The following OPA1 variants were observed in gnomAD, a reference collection of about 807,000 sequenced individuals.
OPA1 encodes the protein OPA1 mitochondrial dynamin like GTPase.
Under a neutral mutation model 152.9 loss-of-function variants are expected in OPA1, and 59 were observed. The observed-to-expected ratio is 0.39, with a 90% CI of 0.31 to 0.48. OPA1 has a LOEUF of 0.48. OPA1 is among the 20% of genes least tolerant of loss of function. The probability of loss-of-function intolerance (pLI) is 0.96; values close to 1 mark genes in which losing one functional copy is unlikely to be tolerated. For synonymous variants in OPA1, 400 were observed against 389.9 expected (o/e 1.03, Z -0.31); for missense variants, 1,008 against 1,216.8 (o/e 0.83, Z 2.55).
In OPA1 at chr3:193,692,071, A is replaced by G; in HGVS notation, c.2992A>G (p.Arg998Gly). The G allele has an allele frequency of 6.6e-7, 1 of 1,526,652 alleles. No homozygotes were observed. Among genetic ancestry groups the G allele is most frequent in the Non-Finnish European group, 9.0e-7 (1 of 1,112,904 alleles). The allele number at this position is 1,526,652 out of a possible 1,614,324, so 94.6% of individuals were successfully genotyped here. The change falls in exon 30 of 31, where the codon AGA becomes GGA. Residue 998 changes from arginine to glycine, a missense_variant. Arg to Gly is a moderately radical substitution (Grantham distance 125). Coordinates refer to ENST00000361510, the MANE Select transcript of OPA1 (RefSeq NM_130837.3). ...VQLAEDLKKV[R>G]EIQEKLDAFI... Reference sequence around the variant, plus strand: ...TATTTTTATCTCCACAGAGAAAGTTAGAGAAATTCAAGAAAAACTTGATGC... The same window carrying G: ...TATTTTTATCTCCACAGAGAAAGTTGGAGAAATTCAAGAAAAACTTGATGC...
At chr3:193,596,197 CT>C (rs558965633) in intron 1 of OPA1, among the ~76,000 whole-genome samples, 4,200 of 106,480 alleles carry the variant, frequency 0.039, 95 homozygotes, top group African/African-American at 0.084. Context: ...TGTTTTTCAC[CT>C]TTTTTTTTTT....
rs571274905 is a variant in OPA1, at chr3:193,668,600, T to C, written c.2983+1320T>C. 141 of 1,537,152 alleles carry C rather than the reference T, an allele frequency of 9.2e-5. No homozygotes were observed. The East Asian group carries it at 3.5e-3, about 38-fold the overall frequency. ...GGAGATACCCTCTTTACCCTGCCTG[T>C]GCTTCGCCAGCCTGCACCAGGCCAC... On this transcript the variant is annotated intron_variant, in intron 29 of 30. Transcript: ENST00000361510.
intron 6 of OPA1, 81 bp downstream of exon 6, chr3:193,619,017 T>C: frequency 9.2e-7 from 1 of 1,083,088 alleles, no homozygotes; most frequent in East Asian, 2.4e-5. Context: ...GATTTTAAAA[T>C]GATAACATCT....
At chr3:193,690,548 T>A (rs1389787440) in intron 29 of OPA1, among the ~76,000 whole-genome samples, 6 of 152,016 alleles carry the variant, frequency 3.9e-5, no homozygotes, top group Non-Finnish European at 8.8e-5. Context: ...AAAAAGAATA[T>A]GAAAATGTTA....
At chr3:193,668,238 TA>T in intron 29 of OPA1, 1 of 1,018,862 alleles carries the variant, frequency 9.8e-7, no homozygotes, top group Non-Finnish European at 1.4e-6. Context: ...CTAGTATCCT[TA>T]ATATATTTTC....
At chr3:193,605,409 ATCT>A (rs1258014113) in intron 1 of OPA1, among the ~76,000 whole-genome samples, 1 of 152,188 alleles carries the variant, frequency 6.6e-6, no homozygotes, top group Non-Finnish European at 1.5e-5. Context: ...GTTTAATTAA[ATCT>A]TCTACAATTG....
intron 1 of OPA1, among the ~76,000 whole-genome samples, chr3:193,609,835 A>G (rs1008276891): frequency 6.6e-6 from 1 of 152,146 alleles, no homozygotes; most frequent in Non-Finnish European, 1.5e-5. Context: ...CGAATCGGCT[A>G]CTGAGGCTTG....
At position 193,642,853 on chromosome 3, in the gene OPA1, A is replaced by G. The variant is rs780092286; in HGVS notation, c.1230+8A>G. 2 of 1,600,388 alleles carry G rather than the reference A, an allele frequency of 1.2e-6. No individual in the cohort carries two copies. The highest frequency in any genetic ancestry group is 1.1e-5 in the South Asian group (1 of 90,744). On this transcript the variant is annotated splice_region_variant and intron_variant, in intron 12 of 30. Coordinates refer to ENST00000361510, the MANE Select transcript of OPA1 (RefSeq NM_130837.3). The stretch of plus-strand genomic sequence containing the variant: ...CTTACCAAAGAAGAAGATGTAAGTA[A>G]AATTCATCTAAGGTTGATATGTGTA...
chr3:193,658,173 A>C (rs1215639932), intron 23 of OPA1, among the ~76,000 whole-genome samples: 6 of 151,678 alleles, frequency 4.0e-5, no homozygotes, highest in Middle Eastern at 6.8e-3. Flanking sequence ...TGAACCCAGG[A>C]AGGGGAGGTT....
At chr3:193,645,334 C>T (rs771233345) in intron 16 of OPA1, among the ~76,000 whole-genome samples, 4 of 152,058 alleles carry the variant, frequency 2.6e-5, no homozygotes, top group Non-Finnish European at 5.9e-5. Flanking sequence ...CACATCATTC[C>T]GGGTTTTCGA....
At chr3:193,594,456 C>T (rs907271879) in intron 1 of OPA1, among the ~76,000 whole-genome samples, 6 of 152,204 alleles carry the variant, frequency 3.9e-5, no homozygotes, top group Non-Finnish European at 8.8e-5. Flanking sequence ...AGCGCTATCT[C>T]GGCTCACTGC....
In OPA1 at chr3:193,648,058, C is replaced by T. The variant is rs1711510176; in HGVS notation, c.1871-12C>T. 3 of 1,609,660 alleles carry T rather than the reference C, an allele frequency of 1.9e-6. No individual in the cohort carries two copies. The highest frequency in any genetic ancestry group is 1.3e-5 in the African/African-American group (1 of 74,834). On this transcript the variant is annotated splice_polypyrimidine_tract_variant and intron_variant, in intron 19 of 30. Coordinates refer to ENST00000361510, the MANE Select transcript of OPA1 (RefSeq NM_130837.3). ...GAGGGTCATCAAACTTGAACTTTTCCTTCTTCCTCAGCAACACGTTTTAAC... is the reference window on the plus strand; with the variant it reads ...GAGGGTCATCAAACTTGAACTTTTCTTTCTTCCTCAGCAACACGTTTTAAC...
intron 11 of OPA1, among the ~76,000 whole-genome samples, chr3:193,640,855 A>G (rs76666398): frequency 0.014 from 2,192 of 152,298 alleles, 53 homozygotes; most frequent in African/African-American, 0.049. Flanking sequence ...TGATGCTGAA[A>G]TCTTCAAGAA....
At chr3:193,618,739 G>T (rs1472250331) in intron 5 of OPA1, 130 bp from the exon 6 acceptor site, 2 of 759,638 alleles carry the variant, frequency 2.6e-6, no homozygotes, top group East Asian at 2.6e-5. Flanking sequence ...GAATAAAGGC[G>T]ATTTGATTCT....
intron 8 of OPA1, among the ~76,000 whole-genome samples, chr3:193,634,236 A>G (rs942230633): frequency 6.6e-6 from 1 of 152,004 alleles, no homozygotes. Flanking sequence ...ATTAGAAAGG[A>G]TCAAATTTAT....
At chr3:193,623,238 C>T (rs1038346957) in intron 6 of OPA1, among the ~76,000 whole-genome samples, 1 of 152,124 alleles carries the variant, frequency 6.6e-6, no homozygotes, top group African/African-American at 2.4e-5. Context: ...CTCATCACCT[C>T]CCAAAGGCCC....
In OPA1 at chr3:193,645,550, T is replaced by C. The variant is rs1234718686; in HGVS notation, c.1609-3T>C. On this transcript the variant is annotated splice_polypyrimidine_tract_variant and splice_region_variant and intron_variant, in intron 16 of 30. Transcript: ENST00000361510. Reference sequence around the variant, plus strand: ...CATTAATTTTTCCCACTTTTAAAAATAGATTCAGCAGATAATTGAAGGAAA... The same window carrying C: ...CATTAATTTTTCCCACTTTTAAAAACAGATTCAGCAGATAATTGAAGGAAA... 6.2e-7 allele frequency: 1 copy of C among 1,610,384 alleles called. No homozygotes were observed. Among genetic ancestry groups the C allele is most frequent in the Non-Finnish European group, 8.5e-7 (1 of 1,177,284 alleles).
intron 7 of OPA1, among the ~76,000 whole-genome samples, chr3:193,629,861 A>G (rs577482929): frequency 1.3e-5 from 2 of 152,326 alleles, no homozygotes; most frequent in South Asian, 2.1e-4. Context: ...TGGATTTTCT[A>G]TAATAATTTA....
chr3:193,611,297 CT>C lies in OPA1; in HGVS notation c.33-3424del, dbSNP rs766466277. Among the ~76,000 whole-genome samples, 8 of 152,200 alleles carry C rather than the reference CT, an allele frequency of 5.3e-5. No homozygotes were observed. In the East Asian group the frequency reaches 1.2e-3, roughly 22 times the overall value. Reference sequence around the variant, plus strand: ...TTTGAGGTTTTTTTTGCTCTAGAGTCTTCTCAAAATGCTTAGCTAGGTTGGG... The same window carrying C: ...TTTGAGGTTTTTTTTGCTCTAGAGTCTCTCAAAATGCTTAGCTAGGTTGGG... On this transcript the variant is annotated intron_variant, in intron 1 of 30. Coordinates refer to ENST00000361510, the MANE Select transcript of OPA1 (RefSeq NM_130837.3).
Sources: allele counts gnomAD v4.1 joint callset (sites outside exome capture counted in the v4.1 genomes callset), GRCh38; gene constraint gnomAD v4.1.1; transcripts MANE v1.5; gene names NCBI Gene and HGNC (gene_info 2026-07-23, HGNC 2026-07-21).